Variants in ZDHHC14 observed in about 807,000 individuals in gnomAD.
ZDHHC14 encodes the protein palmitoyltransferase ZDHHC14.
ZDHHC14 carries 16 observed loss-of-function variants against 47.7 expected under a neutral mutation model. That is an observed-to-expected ratio of 0.34 (90% CI 0.23 to 0.51). The LOEUF (loss-of-function observed/expected upper bound fraction) is 0.51. Ranked by LOEUF, ZDHHC14 falls within the 20% of genes least tolerant of loss-of-function variation. The pLI, the probability that ZDHHC14 is intolerant of heterozygous loss-of-function variation, is 0.97. For missense variants in ZDHHC14, 515 were observed against 662.5 expected (o/e 0.78, Z 2.44); for synonymous variants, 293 against 278.9 (o/e 1.05, Z -0.50).
intron 2 of ZDHHC14, among the ~76,000 whole-genome samples, chr6:157,561,850 G>A (rs1291066157): frequency 6.6e-6 from 1 of 152,100 alleles, no homozygotes; most frequent in Non-Finnish European, 1.5e-5. Context: ...GTAGATAAGT[G>A]GGGTTTTCAC....
chr6:157,472,902 G>A (rs1253634437), intron 1 of ZDHHC14, among the ~76,000 whole-genome samples: 1 of 152,178 alleles, frequency 6.6e-6, no homozygotes, highest in Admixed American at 6.5e-5. Flanking sequence ...TACCAGTGCT[G>A]TGATGGACTG....
chr6:157,450,859 C>G (rs113614109), intron 1 of ZDHHC14, among the ~76,000 whole-genome samples: 2,967 of 152,240 alleles, frequency 0.019, 101 homozygotes, highest in African/African-American at 0.068. Context: ...AGGCACAAAT[C>G]CGTAGTTGGC....
At chr6:157,504,124 G>A (rs1362976038) in intron 1 of ZDHHC14, among the ~76,000 whole-genome samples, 2 of 152,156 alleles carry the variant, frequency 1.3e-5, no homozygotes, top group East Asian at 3.8e-4. Context: ...GATTCATACA[G>A]TGGAGTATTA....
At chr6:157,518,995 C>G (rs371740266) in intron 1 of ZDHHC14, among the ~76,000 whole-genome samples, 1 of 152,120 alleles carries the variant, frequency 6.6e-6, no homozygotes, top group Non-Finnish European at 1.5e-5. Flanking sequence ...GACAGTTGCC[C>G]CTGTTACCTG....
chr6:157,428,892 G>T (rs868634031), intron 1 of ZDHHC14, among the ~76,000 whole-genome samples: 1 of 152,154 alleles, frequency 6.6e-6, no homozygotes. Context: ...GATTTCACTC[G>T]AGTGACATTT....
At chr6:157,450,998 T>TTGTGTGTGTGTG (rs34066002) in intron 1 of ZDHHC14, among the ~76,000 whole-genome samples, 150 of 147,636 alleles carry the variant, frequency 1.0e-3, no homozygotes, top group African/African-American at 2.5e-3. Context: ...AAGTCTGGTC[T>TTGTGTGTGTGTG]TGTGTGTGTG....
At chr6:157,527,399 A>G (rs1409078470) in intron 1 of ZDHHC14, among the ~76,000 whole-genome samples, 1 of 152,138 alleles carries the variant, frequency 6.6e-6, no homozygotes, top group Non-Finnish European at 1.5e-5. Flanking sequence ...TCCCACCCAG[A>G]TTTTCCATTC....
intron 2 of ZDHHC14, among the ~76,000 whole-genome samples, chr6:157,564,262 A>G (rs1421069954): frequency 6.6e-6 from 1 of 152,166 alleles, no homozygotes; most frequent in African/African-American, 2.4e-5. Context: ...ATCAGGCAGA[A>G]GACAAAGATT....
At chr6:157,462,714 C>A (rs977479281) in intron 1 of ZDHHC14, among the ~76,000 whole-genome samples, 5 of 152,228 alleles carry the variant, frequency 3.3e-5, no homozygotes, top group Non-Finnish European at 7.3e-5. Context: ...CTCCTTAAAT[C>A]GGCTCCTCAC....
At chr6:157,482,264 T>TC (rs1003748916) in intron 1 of ZDHHC14, among the ~76,000 whole-genome samples, 24 of 148,366 alleles carry the variant, frequency 1.6e-4, no homozygotes, top group Middle Eastern at 6.9e-3. Context: ...TCTTTTCTTT[T>TC]TTTTTTTTTT....
At chr6:157,529,882 T>G (rs1342481376) in intron 1 of ZDHHC14, among the ~76,000 whole-genome samples, 16 of 152,202 alleles carry the variant, frequency 1.1e-4, no homozygotes. Context: ...TTATGAAACT[T>G]ATTAGCTAAA....
At chr6:157,389,580 A>G (rs1487270080) in intron 1 of ZDHHC14, among the ~76,000 whole-genome samples, 1 of 152,134 alleles carries the variant, frequency 6.6e-6, no homozygotes, top group Non-Finnish European at 1.5e-5. Flanking sequence ...CTTCTTTTAG[A>G]TGAATTGCAT....
chr6:157,564,144 T>A (rs1782815420), intron 2 of ZDHHC14, among the ~76,000 whole-genome samples: 1 of 152,220 alleles, frequency 6.6e-6, no homozygotes, highest in African/African-American at 2.4e-5. Flanking sequence ...ACCAGATTTT[T>A]AAAAAAATCC....
intron 8 of ZDHHC14, among the ~76,000 whole-genome samples, chr6:157,666,438 G>A (rs949942639): frequency 2.0e-5 from 3 of 152,110 alleles, no homozygotes; most frequent in African/African-American, 4.8e-5. Flanking sequence ...TTAGGCAAAC[G>A]TAAATGATAA....
chr6:157,643,650 A>AATATATAC (rs1777366103), intron 5 of ZDHHC14, among the ~76,000 whole-genome samples: 1 of 72,522 alleles, frequency 1.4e-5, no homozygotes, highest in Non-Finnish European at 3.0e-5. Context: ...CTTCATCTCA[A>AATATATAC]ATATATATAT....
intron 7 of ZDHHC14, among the ~76,000 whole-genome samples, chr6:157,652,339 T>C (rs141461523): frequency 3.4e-4 from 52 of 152,272 alleles, no homozygotes; most frequent in South Asian, 1.0e-3. Flanking sequence ...AGGTAGACAG[T>C]CCTCAGAGGC....
chr6:157,673,310 C>G lies in ZDHHC14; in HGVS notation c.*188C>G. 2.8e-6 allele frequency: 2 copies of G among 714,468 alleles called. No homozygotes were observed. Among genetic ancestry groups the G allele is most frequent in the Non-Finnish European group, 2.1e-6 (1 of 471,770 alleles). The allele number at this position is 714,468 out of a possible 1,614,324, so 44.3% of individuals were successfully genotyped here. On this transcript the variant is annotated 3_prime_UTR_variant, in exon 9 of 9. Coordinates refer to ENST00000359775, the MANE Select transcript of ZDHHC14 (RefSeq NM_024630.3). This position sits in a 1 kb window ranked among gnomAD's most constrained non-coding sequence, Gnocchi z 5.4. ...GCCCCGGATGCTGAGAGCTTGGTTT[C>G]ATTTGAATTTTCTTCCCCAACCTGA...
chr6:157,642,718 A>C (rs1273577402), intron 5 of ZDHHC14, among the ~76,000 whole-genome samples: 1 of 152,186 alleles, frequency 6.6e-6, no homozygotes, highest in Non-Finnish European at 1.5e-5. Context: ...TTCTCTTTCT[A>C]AAAAAAGACG....
intron 2 of ZDHHC14, chr6:157,592,653 A>C: frequency 1.3e-6 from 1 of 799,596 alleles, no homozygotes; most frequent in Non-Finnish European, 1.6e-6. Flanking sequence ...GTCTCCCAAG[A>C]TGGCCTGGGG....
Sources: allele counts gnomAD v4.1 joint callset (sites outside exome capture counted in the v4.1 genomes callset), GRCh38; gene constraint gnomAD v4.1.1; non-coding constraint Gnocchi (gnomAD v3.1); transcripts MANE v1.5; gene names NCBI Gene and HGNC (gene_info 2026-07-23, HGNC 2026-07-21).